Variants in COL4A3 observed in about 807,000 individuals in gnomAD.
COL4A3 encodes collagen type IV alpha 3 chain, also known as collagen alpha-3(IV) chain.
COL4A3 carries 135 observed loss-of-function variants against 217.4 expected under a neutral mutation model. The ratio of observed to expected loss-of-function variants is 0.62; its 90% CI spans 0.54 to 0.72. The LOEUF is 0.72. Ranked by LOEUF, COL4A3 falls within the 30% of genes least tolerant of loss-of-function variation. COL4A3 has a pLI of 0.00. For synonymous variants in COL4A3, 690 were observed against 736.3 expected, an observed-to-expected ratio of 0.94 and a Z score of 1.02; for missense variants, 1,868 against 2,119.9, an observed-to-expected ratio of 0.88 and a Z score of 2.33.
chr2:227,180,705 C>A (rs932386083), intron 1 of COL4A3, among the ~76,000 whole-genome samples: 1 of 152,192 alleles, frequency 6.6e-6, no homozygotes, highest in African/African-American at 2.4e-5. Context: ...AAAATCTTCC[C>A]CTCCTATCTC....
intron 7 of COL4A3, 116 bp downstream of exon 7, chr2:227,246,854 T>C (rs759501041): frequency 1.9e-5 from 16 of 861,502 alleles, no homozygotes; most frequent in Non-Finnish European, 2.8e-5. Context: ...GGGGTAGCCA[T>C]AGTAGACATT....
intron 1 of COL4A3, among the ~76,000 whole-genome samples, chr2:227,214,956 A>G (rs1289017940): frequency 1.3e-5 from 2 of 152,186 alleles, no homozygotes; most frequent in Non-Finnish European, 2.9e-5. Flanking sequence ...GTGTCTCTGA[A>G]AATATTTGTC....
At chr2:227,271,013 G>A (rs756483016) in intron 25 of COL4A3, 61 bp downstream of exon 25, 4 of 1,563,824 alleles carry the variant, frequency 2.6e-6, no homozygotes, top group Non-Finnish European at 3.5e-6. Flanking sequence ...AAGAGATAAA[G>A]TGATTTCTTT....
intron 2 of COL4A3, 117 bp downstream of exon 2, chr2:227,238,141 T>C: frequency 1.4e-6 from 1 of 699,630 alleles, no homozygotes; most frequent in Middle Eastern, 3.1e-4. Context: ...ATTTCCCAAA[T>C]CCAATGTTAA....
chr2:227,273,132 T>C lies in COL4A3; in HGVS notation c.1927+15T>C, dbSNP rs1421538848. 1 of 1,612,700 alleles carries C rather than the reference T, an allele frequency of 6.2e-7. No individual in the cohort carries two copies. Among genetic ancestry groups the C allele is most frequent in the South Asian group, 1.1e-5 (1 of 91,018 alleles). On this transcript the variant is annotated intron_variant, in intron 26 of 51. Coordinates refer to ENST00000396578, the MANE Select transcript of COL4A3 (RefSeq NM_000091.5). ...CGGAGAAGCCGGTTGGTTAGTTTTC[T>C]TTCCAGTCCTGTTTTCCGATGGAGT...
intron 1 of COL4A3, among the ~76,000 whole-genome samples, chr2:227,194,173 A>G (rs2066380075): frequency 6.6e-6 from 1 of 152,192 alleles, no homozygotes; most frequent in South Asian, 2.1e-4. Flanking sequence ...CTGTTATATC[A>G]TCAGCATCCC....
intron 1 of COL4A3, among the ~76,000 whole-genome samples, chr2:227,176,945 T>A (rs2065693706): frequency 6.6e-6 from 1 of 152,164 alleles, no homozygotes; most frequent in Non-Finnish European, 1.5e-5. Flanking sequence ...TAAAAAAAAG[T>A]TATATGTGCT....
intron 36 of COL4A3, 110 bp downstream of exon 36, chr2:227,290,198 A>G: frequency 1.9e-6 from 2 of 1,078,810 alleles, no homozygotes; most frequent in Non-Finnish European, 2.8e-6. Context: ...AGCTTATATT[A>G]AAAAACTAGA....
chr2:227,243,688 C>T lies in COL4A3; in HGVS notation c.235-632C>T, dbSNP rs117015239. On this transcript the variant is annotated intron_variant, in intron 3 of 51. Coordinates refer to ENST00000396578, the MANE Select transcript of COL4A3 (RefSeq NM_000091.5). ...TTTGGACAATGAAACTTTCACACCACGTGGCCTAGCTGAAACAGTCACCAT... is the reference window on the plus strand; with the variant it reads ...TTTGGACAATGAAACTTTCACACCATGTGGCCTAGCTGAAACAGTCACCAT... Among the ~76,000 whole-genome samples the T allele has an allele frequency of 3.9e-4, 60 of 152,360 alleles. No homozygotes were observed. In the East Asian group the frequency reaches 0.011, roughly 27 times the overall value.
chr2:227,300,661 C>T (rs1256395997), intron 43 of COL4A3, among the ~76,000 whole-genome samples: 2 of 152,150 alleles, frequency 1.3e-5, no homozygotes, highest in Non-Finnish European at 2.9e-5. Flanking sequence ...AAGCTACAGT[C>T]CCTTGCCCTA....
At position 227,164,668 on chromosome 2, in the gene COL4A3, C is replaced by G; in HGVS notation, c.-59C>G. ...CCAGAGCCGCGCTGCGCAGGAGACG[C>G]GGTGGCCTGAGAGCCTGAGGGTCCC... On this transcript the variant is annotated 5_prime_UTR_variant, in exon 1 of 52. Coordinates refer to ENST00000396578, the MANE Select transcript of COL4A3 (RefSeq NM_000091.5). This position sits in a 1 kb window ranked among gnomAD's most constrained non-coding sequence, Gnocchi z 4.8. 1 of 1,528,102 alleles carries G rather than the reference C, an allele frequency of 6.5e-7. No homozygotes were observed. Among genetic ancestry groups the G allele is most frequent in the South Asian group, 1.2e-5 (1 of 83,696 alleles). The allele number at this position is 1,528,102 out of a possible 1,614,324, so 94.7% of individuals were successfully genotyped here.
At chr2:227,265,673 A>G (rs1331495235) in intron 21 of COL4A3, among the ~76,000 whole-genome samples, 1 of 152,238 alleles carries the variant, frequency 6.6e-6, no homozygotes, top group Non-Finnish European at 1.5e-5. Flanking sequence ...TATATTAAGC[A>G]TCTACAGTAT....
chr2:227,223,948 C>T (rs545138942), intron 1 of COL4A3, among the ~76,000 whole-genome samples: 5 of 152,286 alleles, frequency 3.3e-5, no homozygotes, highest in South Asian at 2.1e-4. Flanking sequence ...TAAGAAGTTA[C>T]TCTTCTCCAT....
At position 227,183,105 on chromosome 2, in the gene COL4A3, G is replaced by T. The variant is rs145816574; in HGVS notation, c.87+18292G>T. ...ATCTAAATAGAGTGGGCTGATCTAT[G>T]TTGTTATAAGCTCTTTTTGGCCTCT... On this transcript the variant is annotated intron_variant, in intron 1 of 51. Coordinates refer to ENST00000396578, the MANE Select transcript of COL4A3 (RefSeq NM_000091.5). 3.0e-3 allele frequency among the ~76,000 whole-genome samples: 451 copies of T among 152,304 alleles called. 1 individual carries two copies. Among genetic ancestry groups the T allele is most frequent in the African/African-American group, 0.011 (437 of 41,570 alleles).
intron 14 of COL4A3, 138 bp downstream of exon 14, chr2:227,254,312 G>C (rs1182415758): frequency 1.3e-6 from 1 of 757,848 alleles, no homozygotes; most frequent in Non-Finnish European, 2.3e-6. Context: ...TCCACAGGCA[G>C]AGCAGCTATT....
chr2:227,193,597 A>G (rs906512268), intron 1 of COL4A3, among the ~76,000 whole-genome samples: 1 of 151,910 alleles, frequency 6.6e-6, no homozygotes, highest in Non-Finnish European at 1.5e-5. Flanking sequence ...CTGTAATCCC[A>G]GCTACTTGGG....
intron 9 of COL4A3, among the ~76,000 whole-genome samples, chr2:227,249,212 G>GTGTATATATATATA (rs1199261361): frequency 3.0e-4 from 10 of 33,232 alleles, no homozygotes; most frequent in African/African-American, 7.3e-4. Flanking sequence ...AAATTAGCTA[G>GTGTATATATATATA]TATATATATA....
At chr2:227,292,612 G>C (rs2072810472) in intron 37 of COL4A3, among the ~76,000 whole-genome samples, 1 of 152,186 alleles carries the variant, frequency 6.6e-6, no homozygotes, top group South Asian at 2.1e-4. Context: ...TCGTAAAACT[G>C]AAGTGAAGAT....
At chr2:227,218,340 C>T (rs1007342046) in intron 1 of COL4A3, among the ~76,000 whole-genome samples, 7 of 151,934 alleles carry the variant, frequency 4.6e-5, no homozygotes, top group Non-Finnish European at 1.0e-4. Flanking sequence ...GTGGTGGGCG[C>T]CTGTAGTCCC....
Sources: allele counts gnomAD v4.1 joint callset (sites outside exome capture counted in the v4.1 genomes callset), GRCh38; gene constraint gnomAD v4.1.1; non-coding constraint Gnocchi (gnomAD v3.1); transcripts MANE v1.5; gene names NCBI Gene and HGNC (gene_info 2026-07-23, HGNC 2026-07-21).